The following ADK variants were observed in gnomAD, a reference collection of about 807,000 sequenced individuals.
ADK encodes the protein N6,N6-dimethyladenosine kinase.
Under a neutral mutation model 44.7 loss-of-function variants are expected in ADK, and 24 were observed. That is an observed-to-expected ratio of 0.54 (90% CI 0.39 to 0.76). The LOEUF is 0.76. Ranked by LOEUF, ADK falls within the 30% of genes least tolerant of loss-of-function variation. The pLI, the probability that ADK is intolerant of heterozygous loss-of-function variation, is 0.00. For synonymous variants in ADK, 128 were observed against 142.6 expected, an observed-to-expected ratio of 0.90 and a Z score of 0.73; for missense variants, 321 against 425.1, an observed-to-expected ratio of 0.76 and a Z score of 2.15.
At chr10:74,577,943 G>A (rs1851252106) in intron 7 of ADK, among the ~76,000 whole-genome samples, 1 of 152,038 alleles carries the variant, frequency 6.6e-6, no homozygotes, top group South Asian at 2.1e-4. Context: ...TTTATGTAGA[G>A]TTTCCATTTT....
At position 74,235,626 on chromosome 10, in the gene ADK, T is replaced by G. The variant is rs143434661; in HGVS notation, c.194+11035T>G. Among the ~76,000 whole-genome samples, 17 of 152,286 alleles carry G rather than the reference T, an allele frequency of 1.1e-4. No homozygotes were observed. The East Asian group carries it at 3.3e-3, about 29-fold the overall frequency. ...GCTCACATATATGAGTTCTATGAGTTTATGCTGTTGTTGGAAAATCCTTTG... is the reference window on the plus strand; with the variant it reads ...GCTCACATATATGAGTTCTATGAGTGTATGCTGTTGTTGGAAAATCCTTTG... On this transcript the variant is annotated intron_variant, in intron 3 of 10. Transcript: ENST00000539909.
intron 7 of ADK, among the ~76,000 whole-genome samples, chr10:74,551,058 A>T (rs1850019439): frequency 1.3e-5 from 2 of 152,188 alleles, no homozygotes. Flanking sequence ...AAGCTTGTAT[A>T]CAAGAGTAGT....
At chr10:74,297,705 G>A (rs1839867813) in intron 3 of ADK, among the ~76,000 whole-genome samples, 2 of 152,156 alleles carry the variant, frequency 1.3e-5, no homozygotes, top group Non-Finnish European at 2.9e-5. Context: ...ATGTTTGGGA[G>A]AAGAAAGCAT....
At chr10:74,312,243 A>G (rs1331716020) in intron 3 of ADK, among the ~76,000 whole-genome samples, 1 of 152,148 alleles carries the variant, frequency 6.6e-6, no homozygotes, top group Non-Finnish European at 1.5e-5. Context: ...AAAACCAAGA[A>G]CGGCCAAAGC....
At chr10:74,171,035 TC>T (rs1842149093) in intron 1 of ADK, among the ~76,000 whole-genome samples, 3 of 152,218 alleles carry the variant, frequency 2.0e-5, no homozygotes, top group Admixed American at 2.0e-4. Flanking sequence ...ATACTCTACT[TC>T]CTTTTGTTTT....
At chr10:74,333,976 A>G (rs1017263610) in intron 4 of ADK, among the ~76,000 whole-genome samples, 1 of 152,188 alleles carries the variant, frequency 6.6e-6, no homozygotes, top group Admixed American at 6.5e-5. Context: ...TTCAAAAAAT[A>G]CTTTTTTTCA....
intron 7 of ADK, among the ~76,000 whole-genome samples, chr10:74,538,032 A>G (rs1285802231): frequency 6.6e-6 from 1 of 152,120 alleles, no homozygotes; most frequent in Non-Finnish European, 1.5e-5. Flanking sequence ...CAAGGTGGGC[A>G]GATCACCTGA....
chr10:74,272,526 C>A (rs1846475968), intron 3 of ADK, among the ~76,000 whole-genome samples: 1 of 152,190 alleles, frequency 6.6e-6, no homozygotes, highest in African/African-American at 2.4e-5. Flanking sequence ...CCTCCTGCCT[C>A]AGCCTCCCAA....
At chr10:74,368,520 C>T (rs1842563766) in intron 4 of ADK, among the ~76,000 whole-genome samples, 1 of 151,976 alleles carries the variant, frequency 6.6e-6, no homozygotes, top group African/African-American at 2.4e-5. Flanking sequence ...CATGGTATCA[C>T]ACATCAGATA....
Position 74,487,818 on chromosome 10 carries a change from G to GA in ADK, c.556-37432dup, listed in dbSNP as rs749163768. On this transcript the variant is annotated intron_variant, in intron 6 of 10. Transcript: ENST00000539909. ...TAAGGGAAATGCCAATAGAAAATTA[G>GA]AAAAAATGTTAGAACAGTTAAAAAC... 4.6e-5 allele frequency among the ~76,000 whole-genome samples: 7 copies of GA among 151,940 alleles called. No homozygotes were observed. In the East Asian group the frequency reaches 1.2e-3, roughly 25 times the overall value.
rs1244555399 is a variant in ADK, at chr10:74,708,351, C to G, written c.995C>G (p.Pro332Arg). 6.2e-7 allele frequency: 1 copy of G among 1,612,194 alleles called. No homozygotes were observed. The highest frequency in any genetic ancestry group is 1.7e-5 in the Admixed American group (1 of 59,940). The part of the protein sequence containing the change: ...GFLSQLVSDK[P>R]LTECIRAGHY... ...CTGTCTCAACTGGTCTCTGACAAGC[C>G]TCTGACTGAATGTATCCGTGCTGGC... Residue 332 changes from proline (P) to arginine (R), a missense_variant, in exon 11 of 11, where the codon CCT becomes CGT. Coordinates refer to ENST00000539909, the MANE Select transcript of ADK (RefSeq NM_006721.4).
At chr10:74,564,538 C>G (rs966708761) in intron 7 of ADK, among the ~76,000 whole-genome samples, 1 of 151,992 alleles carries the variant, frequency 6.6e-6, no homozygotes, top group Non-Finnish European at 1.5e-5. Context: ...CCTGACTAAC[C>G]CTGTTTCCTT....
intron 10 of ADK, among the ~76,000 whole-genome samples, chr10:74,679,665 A>G (rs1372264862): frequency 6.6e-6 from 1 of 152,056 alleles, no homozygotes; most frequent in Admixed American, 6.6e-5. Context: ...TCTTCATATA[A>G]AGAAGATGAG....
At chr10:74,679,346 T>G (rs1316148923) in intron 10 of ADK, among the ~76,000 whole-genome samples, 1 of 152,222 alleles carries the variant, frequency 6.6e-6, no homozygotes, top group African/African-American at 2.4e-5. Context: ...TGTATTCAGT[T>G]TTAAATCTTG....
rs1263029750 is a variant in ADK, at chr10:74,558,637, CCT to C, written c.727-30642_727-30641del. Among the ~76,000 whole-genome samples, 4 of 152,302 alleles carry C rather than the reference CCT, an allele frequency of 2.6e-5. No homozygotes were observed. In the East Asian group the frequency reaches 7.7e-4, roughly 29 times the overall value. On this transcript the variant is annotated intron_variant, in intron 7 of 10. Transcript: ENST00000539909. Reference sequence around the variant, plus strand: ...CATGTGGAACTATGAGTCAACTAAACCTCTTTTCTTTTTAAGTTACCCAGTCT... The same window carrying C: ...CATGTGGAACTATGAGTCAACTAAACCTTTTCTTTTTAAGTTACCCAGTCT...
At chr10:74,274,477 G>A (rs1846579107) in intron 3 of ADK, among the ~76,000 whole-genome samples, 1 of 149,756 alleles carries the variant, frequency 6.7e-6, no homozygotes, top group Admixed American at 6.8e-5. Flanking sequence ...CGGGAGAATC[G>A]CTTGAACCTG....
chr10:74,172,457 G>A (rs1486562578), intron 1 of ADK, among the ~76,000 whole-genome samples: 1 of 152,130 alleles, frequency 6.6e-6, no homozygotes, highest in Non-Finnish European at 1.5e-5. Context: ...GGGAGGCCGA[G>A]GTGGGCGGAT....
intron 3 of ADK, among the ~76,000 whole-genome samples, chr10:74,281,340 A>G (rs1846925009): frequency 1.3e-5 from 2 of 152,182 alleles, no homozygotes; most frequent in Non-Finnish European, 2.9e-5. Context: ...GCCCTCTCCC[A>G]TTGATTTGAT....
At chr10:74,463,441 A>G (rs1222945594) in intron 6 of ADK, among the ~76,000 whole-genome samples, 1 of 152,234 alleles carries the variant, frequency 6.6e-6, no homozygotes, top group Non-Finnish European at 1.5e-5. Context: ...CACATAAGCT[A>G]GATCCCTCAC....
Sources: gnomAD v4.1 joint callset for allele counts (sites outside exome capture counted in the v4.1 genomes callset) on GRCh38, gnomAD v4.1.1 for gene constraint, MANE v1.5 for transcripts, NCBI Gene and HGNC (gene_info 2026-07-23, HGNC 2026-07-21) for gene names.